SLC25A46: variants seen among roughly 807,000 people sequenced by gnomAD.
The protein encoded by SLC25A46 is mitochondrial outer membrane protein SLC25A46.
SLC25A46 carries 39 observed loss-of-function variants against 44.6 expected under a neutral mutation model. The ratio of observed to expected loss-of-function variants is 0.87; its 90% CI spans 0.68 to 1.14. The LOEUF (loss-of-function observed/expected upper bound fraction) is 1.14, where lower values mean the gene tolerates loss of function less well. SLC25A46 is among the 50% of genes most tolerant of loss of function. The pLI, the probability that SLC25A46 is intolerant of heterozygous loss-of-function variation, is 0.00. For missense variants in SLC25A46, 547 were observed against 522.7 expected (o/e 1.05, Z -0.45); for synonymous variants, 202 against 185.8 (o/e 1.09, Z -0.71).
At chr5:110,757,324 G>A (rs760524631) in intron 7 of SLC25A46, among the ~76,000 whole-genome samples, 6 of 152,038 alleles carry the variant, frequency 3.9e-5, no homozygotes, top group Non-Finnish European at 7.4e-5. Flanking sequence ...ACATGGTGGC[G>A]CTTCAAGTAC....
At chr5:110,754,848 A>G (rs1209495038) in intron 5 of SLC25A46, 1 of 152,180 alleles carries the variant, frequency 6.6e-6, no homozygotes, top group African/African-American at 2.4e-5. Context: ...TGAGTTATTA[A>G]TCCCCTCTGA....
At chr5:110,739,646 A>G (rs566317557) in intron 1 of SLC25A46, among the ~76,000 whole-genome samples, 2 of 152,356 alleles carry the variant, frequency 1.3e-5, no homozygotes, top group African/African-American at 4.8e-5. Flanking sequence ...CATAGCAGGA[A>G]TTTTTAGAGG....
chr5:110,761,706 T>C lies in SLC25A46; in HGVS notation c.1181T>C (p.Ile394Thr), dbSNP rs755744038. 1 of 1,613,390 alleles carries C rather than the reference T, an allele frequency of 6.2e-7. No homozygotes were observed. Among genetic ancestry groups the C allele is most frequent in the South Asian group, 1.1e-5 (1 of 91,064 alleles). ...TATAAAGGGTTTGGTGCTGTTATAATACAGTACACACTGCATGCAGCTGTT... is the reference window on the plus strand; with the variant it reads ...TATAAAGGGTTTGGTGCTGTTATAACACAGTACACACTGCATGCAGCTGTT... ...GFYKGFGAVI[I>T]QYTLHAAVLQ... The change falls in exon 8 of 8, where the codon ATA becomes ACA. Residue 394 changes from isoleucine to threonine, a missense_variant. Transcript: ENST00000355943. The surrounding 1 kb of genome is among the most constrained non-coding windows in gnomAD (Gnocchi z 5.3).
At chr5:110,760,325 CTGGAATCAT>C (rs1462827414) in intron 7 of SLC25A46, among the ~76,000 whole-genome samples, 2 of 152,146 alleles carry the variant, frequency 1.3e-5, no homozygotes, top group Non-Finnish European at 2.9e-5. Context: ...CTCTTTGTTA[CTGGAATCAT>C]TCCAGTAACT....
intron 7 of SLC25A46, among the ~76,000 whole-genome samples, chr5:110,760,168 A>G (rs907839336): frequency 1.3e-5 from 2 of 152,108 alleles, no homozygotes; most frequent in Admixed American, 6.6e-5. Flanking sequence ...GTTCCTCTGG[A>G]CAGCAACCTT....
At chr5:110,739,919 G>A (rs1799599178) in intron 1 of SLC25A46, among the ~76,000 whole-genome samples, 1 of 151,540 alleles carries the variant, frequency 6.6e-6, no homozygotes, top group Non-Finnish European at 1.5e-5. Context: ...ATCCTGTATG[G>A]GACACATAGG....
intron 1 of SLC25A46, among the ~76,000 whole-genome samples, chr5:110,741,324 AG>A (rs1472039341): frequency 2.0e-5 from 3 of 152,240 alleles, no homozygotes; most frequent in Non-Finnish European, 4.4e-5. Context: ...TACCATCTGT[AG>A]TAGCATTTAG....
In SLC25A46 at chr5:110,762,545, A is replaced by C. The variant is rs1414190560; in HGVS notation, c.*763A>C. 6.6e-6 allele frequency: 1 copy of C among 151,748 alleles called. No individual in the cohort carries two copies. Among genetic ancestry groups the C allele is most frequent in the Non-Finnish European group, 1.5e-5 (1 of 67,880 alleles). 9.4% of individuals were successfully genotyped at this position (151,748 alleles called of 1,614,324 possible). On this transcript the variant is annotated 3_prime_UTR_variant, in exon 8 of 8. Coordinates refer to ENST00000355943, the MANE Select transcript of SLC25A46 (RefSeq NM_138773.4). Reference sequence around the variant, plus strand: ...GAGACAACATCCTTGTCCATATCCAAACCCAGTGTTTCAGTGCTAGCAACT... The same window carrying C: ...GAGACAACATCCTTGTCCATATCCACACCCAGTGTTTCAGTGCTAGCAACT...
chr5:110,761,022 A>G lies in SLC25A46; in HGVS notation c.679-182A>G, dbSNP rs907295705. ...TTAGCTCCCAACTTCACTGCTAGCAATTTTATGAGATTTCATTTGAAAAAA... is the reference window on the plus strand; with the variant it reads ...TTAGCTCCCAACTTCACTGCTAGCAGTTTTATGAGATTTCATTTGAAAAAA... On this transcript the variant is annotated intron_variant, in intron 7 of 7. Coordinates refer to ENST00000355943, the MANE Select transcript of SLC25A46 (RefSeq NM_138773.4). This position sits in a 1 kb window ranked among gnomAD's most constrained non-coding sequence, Gnocchi z 5.3. 6.6e-6 allele frequency among the ~76,000 whole-genome samples: 1 copy of G among 152,030 alleles called. No homozygotes were observed. Among genetic ancestry groups the G allele is most frequent in the Non-Finnish European group, 1.5e-5 (1 of 67,994 alleles).
chr5:110,744,306 A>G (rs1290150358), intron 3 of SLC25A46, among the ~76,000 whole-genome samples: 1 of 152,182 alleles, frequency 6.6e-6, no homozygotes, highest in Non-Finnish European at 1.5e-5. Context: ...ATTGCACCAA[A>G]ACTCACTGTG....
intron 3 of SLC25A46, chr5:110,745,881 G>T (rs1358261970): frequency 6.4e-6 from 1 of 155,490 alleles, no homozygotes; most frequent in African/African-American, 2.4e-5. Flanking sequence ...AATAAATATT[G>T]TTTTGACACT....
chr5:110,741,457 A>C (rs1799688709), intron 1 of SLC25A46, among the ~76,000 whole-genome samples: 1 of 152,186 alleles, frequency 6.6e-6, no homozygotes, highest in Non-Finnish European at 1.5e-5. Context: ...TCAAGTTAAT[A>C]ATTTAGAGGT....
chr5:110,761,481 C>G lies in SLC25A46; in HGVS notation c.956C>G (p.Ala319Gly), dbSNP rs1457930122. The G allele has an allele frequency of 5.6e-6, 9 of 1,613,692 alleles. No homozygotes were observed. Among genetic ancestry groups the G allele is most frequent in the South Asian group, 4.4e-5 (4 of 91,088 alleles). The change falls in exon 8 of 8, where the codon GCT becomes GGT. Residue 319 changes from alanine (A) to glycine (G), a missense_variant. Physicochemically the swap from Ala to Gly is moderately conservative, Grantham distance 60. Coordinates refer to ENST00000355943, the MANE Select transcript of SLC25A46 (RefSeq NM_138773.4). The surrounding 1 kb of genome is among the most constrained non-coding windows in gnomAD (Gnocchi z 5.3). Reference protein sequence around the residue: ...MLDAYFPELIANFAASLCSDV... With the variant: ...MLDAYFPELIGNFAASLCSDV... The stretch of plus-strand genomic sequence containing the variant: ...GATGCTTATTTTCCAGAACTTATTG[C>G]TAACTTTGCTGCCAGTCTTTGTTCT...
chr5:110,739,400 G>A lies in SLC25A46; in HGVS notation c.281G>A (p.Ser94Asn). Reference protein sequence around the residue: ...GGGGSVQGQSSEQLNRFAGFG... With the variant: ...GGGGSVQGQSNEQLNRFAGFG... ...GGCGGCAGTGTGCAGGGGCAGAGCA[G>A]TGGTGAGAAGCATGGGGACCGACAC... Residue 94 changes from serine to asparagine, a missense_variant and splice_region_variant, in exon 1 of 8, where the codon AGT becomes AAT. Transcript: ENST00000355943. 2 of 1,541,288 alleles carry A rather than the reference G, an allele frequency of 1.3e-6. No individual in the cohort carries two copies. Among genetic ancestry groups the A allele is most frequent in the African/African-American group, 1.4e-5 (1 of 73,454 alleles).
At position 110,746,176 on chromosome 5, in the gene SLC25A46, T is replaced by G. The variant is rs73230125; in HGVS notation, c.385-93T>G. The G allele has an allele frequency of 8.1e-4, 822 of 1,014,062 alleles. 6 individuals carry two copies. The African/African-American group carries it at 0.012, about 15-fold the overall frequency. The allele number at this position is 1,014,062 out of a possible 1,614,324, so 62.8% of individuals were successfully genotyped here. On this transcript the variant is annotated intron_variant, in intron 3 of 7. Coordinates refer to ENST00000355943, the MANE Select transcript of SLC25A46 (RefSeq NM_138773.4). The stretch of plus-strand genomic sequence containing the variant: ...ATGTTGACTTTGGAATTAACTTTTG[T>G]TTATACTGCAATTCCACCATATTTC...
intron 7 of SLC25A46, among the ~76,000 whole-genome samples, chr5:110,758,643 GT>G (rs1421470038): frequency 6.6e-6 from 1 of 151,924 alleles, no homozygotes; most frequent in Non-Finnish European, 1.5e-5. Flanking sequence ...TTAGCCGGGT[GT>G]GGTAGTGGGC....
At chr5:110,760,835 G>A (rs1273578252) in intron 7 of SLC25A46, among the ~76,000 whole-genome samples, 3 of 152,092 alleles carry the variant, frequency 2.0e-5, no homozygotes, top group Non-Finnish European at 2.9e-5. Flanking sequence ...TGGTTACATA[G>A]CCAGTAAGTA....
At chr5:110,747,638 A>T (rs921683333) in intron 4 of SLC25A46, among the ~76,000 whole-genome samples, 2 of 152,166 alleles carry the variant, frequency 1.3e-5, no homozygotes, top group Admixed American at 1.3e-4. Flanking sequence ...ATATAAAGTA[A>T]TAGTGTTAAG....
At chr5:110,741,069 T>C (rs78487673) in intron 1 of SLC25A46, among the ~76,000 whole-genome samples, 1,968 of 152,300 alleles carry the variant, frequency 0.013, 35 homozygotes, top group African/African-American at 0.045. Flanking sequence ...AGGAACATGC[T>C]TAGGTGGCCT....
Sources: gnomAD v4.1 joint callset for allele counts (sites outside exome capture counted in the v4.1 genomes callset) on GRCh38, gnomAD v4.1.1 for gene constraint, Gnocchi (gnomAD v3.1) non-coding constraint, MANE v1.5 for transcripts, NCBI Gene and HGNC (gene_info 2026-07-23, HGNC 2026-07-21) for gene names.